Variants in PKP3 observed in about 807,000 individuals in gnomAD.
PKP3 encodes the protein plakophilin 3, also known as plakophilin-3.
In PKP3, 66 loss-of-function variants were observed where a neutral mutation model predicts 76.5. The ratio of observed to expected loss-of-function variants is 0.86; its 90% CI spans 0.71 to 1.06. The LOEUF (loss-of-function observed/expected upper bound fraction) is 1.06, where lower values mean the gene tolerates loss of function less well. Ranked by LOEUF, PKP3 falls within the 50% of genes least tolerant of loss-of-function variation. The pLI is 0.00. For synonymous variants in PKP3, 638 were observed against 516.5 expected (o/e 1.24, Z -3.19); for missense variants, 1,338 against 1,141.0 (o/e 1.17, Z -2.49).
In PKP3 at chr11:398,988, G is replaced by A. The variant is rs185527086; in HGVS notation, c.1069-4G>A. The A allele has an allele frequency of 2.2e-5, 35 of 1,555,960 alleles. No homozygotes were observed. The highest frequency in any genetic ancestry group is 1.1e-4 in the East Asian group (5 of 43,730). On this transcript the variant is annotated splice_region_variant and splice_polypyrimidine_tract_variant and intron_variant, in intron 4 of 12. Coordinates refer to ENST00000331563, the MANE Select transcript of PKP3 (RefSeq NM_007183.4). ...TGTGCACCCCCATATGCCTGTGCCC[G>A]CAGGCCCGCAGCCTTCAGGCCGTGC...
rs144613158 is a variant in PKP3, at chr11:404,552, G to T, written c.2377G>T (p.Asp793Tyr). The change falls in exon 13 of 13, where the codon GAC becomes TAC. Residue 793 changes from aspartate (D) to tyrosine (Y), a missense_variant. Asp to Tyr is a radical substitution (Grantham distance 160, BLOSUM62 -3). Coordinates refer to ENST00000331563, the MANE Select transcript of PKP3 (RefSeq NM_007183.4). The surrounding 1 kb of genome is among the most constrained non-coding windows in gnomAD (Gnocchi z 4.2). ...DFRAKGYRKEDFLGP is the reference protein window; with the variant it reads ...DFRAKGYRKEYFLGP ...ACTGTAGAAGGGCTATCGGAAGGAG[G>T]ACTTCCTGGGCCCATAGGTGAAGCC... is the stretch of plus-strand genomic sequence containing the variant. The T allele has an allele frequency of 9.3e-6, 15 of 1,612,504 alleles. No homozygotes were observed. The highest frequency in any genetic ancestry group is 1.3e-5 in the Non-Finnish European group (15 of 1,179,872).
upstream of PKP3, chr11:394,072 C>T (rs1043330706): frequency 1.3e-5 from 8 of 604,170 alleles, no homozygotes; most frequent in Admixed American, 4.2e-5. Context: ...CCTGTTCTTC[C>T]GCCCAAATTC....
chr11:397,357 C>T lies in PKP3; in HGVS notation c.856C>T (p.Leu286Phe). The change falls in exon 3 of 13, where the codon CTC becomes TTC. Residue 286 changes from leucine to phenylalanine, a missense_variant. Coordinates refer to ENST00000331563, the MANE Select transcript of PKP3 (RefSeq NM_007183.4). Reference sequence around the variant, plus strand: ...AGCGCCATCTGTGCGCAGCCTCAGCCTCAGCCTGGCTGACTCGGGCCACCT... The same window carrying T: ...AGCGCCATCTGTGCGCAGCCTCAGCTTCAGCCTGGCTGACTCGGGCCACCT... ...ARAPSVRSLS[L>F]SLADSGHLPD... 6.3e-7 allele frequency: 1 copy of T among 1,598,552 alleles called. No homozygotes were observed. The highest frequency in any genetic ancestry group is 1.1e-5 in the South Asian group (1 of 89,808).
In PKP3 at chr11:397,191, C is replaced by G. The variant is rs907203517; in HGVS notation, c.690C>G (p.Asp230Glu). 8 of 1,598,280 alleles carry G rather than the reference C, an allele frequency of 5.0e-6. No individual in the cohort carries two copies. Among genetic ancestry groups the G allele is most frequent in the Admixed American group, 1.7e-5 (1 of 59,898 alleles). Reference sequence around the variant, plus strand: ...GCTCCAGCCGGGCAGGGGGGCTGGACTGGCCCGAGGCCACTGAGGTTTCCC... The same window carrying G: ...GCTCCAGCCGGGCAGGGGGGCTGGAGTGGCCCGAGGCCACTGAGGTTTCCC... ...SSSSSRAGGL[D>E]WPEATEVSPS... is the part of the protein sequence containing the mutation. Residue 230 changes from aspartate (D) to glutamate (E), a missense_variant, in exon 3 of 13, where the codon GAC (aspartate) becomes GAG (glutamate). By Grantham distance (45) the Asp-to-Glu change is conservative (BLOSUM62 2). Coordinates refer to ENST00000331563, the MANE Select transcript of PKP3 (RefSeq NM_007183.4).
chr11:403,132 G>A lies in PKP3; in HGVS notation c.1792G>A (p.Gly598Ser). The A allele has an allele frequency of 1.3e-6, 2 of 1,572,028 alleles. No homozygotes were observed. The highest frequency in any genetic ancestry group is 1.7e-6 in the Non-Finnish European group (2 of 1,160,636). The change falls in exon 9 of 13, where the codon GGC (glycine) becomes AGC (serine). Residue 598 changes from glycine (G) to serine (S), a missense_variant. Gly to Ser is a moderately conservative substitution (Grantham distance 56). Coordinates refer to ENST00000331563, the MANE Select transcript of PKP3 (RefSeq NM_007183.4). ...CGCGGAGGTGTCCAAGGACCCCAAG[G>A]GCCTCGAGTGGCTGTGGAGCCCCCA... ...TFAEVSKDPK[G>S]LEWLWSPQIV...
At chr11:399,885 G>A (rs1217686005) in intron 5 of PKP3, 82 bp from the exon 6 acceptor site, 2 of 1,181,482 alleles carry the variant, frequency 1.7e-6, no homozygotes, top group Non-Finnish European at 2.4e-6. Flanking sequence ...CCTGGGGAGA[G>A]GCGGGACCTC....
At chr11:393,094 A>G (rs1408897456), upstream of PKP3, among the ~76,000 whole-genome samples, 1 of 139,684 alleles carries the variant, frequency 7.2e-6, no homozygotes, top group East Asian at 2.0e-4. Context: ...CAGCCCTCCT[A>G]GGCTTATCCC....
In PKP3 at chr11:397,336, C is replaced by T. The variant is rs746544039; in HGVS notation, c.835C>T (p.Pro279Ser). The change falls in exon 3 of 13, where the codon CCA becomes TCA. Residue 279 changes from proline to serine, a missense_variant. Pro to Ser is a moderately conservative substitution (Grantham distance 74). Coordinates refer to ENST00000331563, the MANE Select transcript of PKP3 (RefSeq NM_007183.4). ...CGTCCTGGAGCCAGTGGCTCGAGCGCCATCTGTGCGCAGCCTCAGCCTCAG... is the reference window on the plus strand; with the variant it reads ...CGTCCTGGAGCCAGTGGCTCGAGCGTCATCTGTGCGCAGCCTCAGCCTCAG... ...GAVLEPVARA[P>S]SVRSLSLSLA... 1.9e-6 allele frequency: 3 copies of T among 1,581,176 alleles called. No individual in the cohort carries two copies. The South Asian group carries it at 3.4e-5, about 18-fold the overall frequency.
Position 404,474 on chromosome 11 carries a change from G to A in PKP3, c.2359-60G>A. ...CACCCAGCACACTGCAGGAGGGACA[G>A]CGGGCAGAGGGCCACATGGGCAGAC... is the stretch of plus-strand genomic sequence containing the variant. On this transcript the variant is annotated intron_variant, in intron 12 of 12. Coordinates refer to ENST00000331563, the MANE Select transcript of PKP3 (RefSeq NM_007183.4). The surrounding 1 kb of genome is among the most constrained non-coding windows in gnomAD (Gnocchi z 4.2). 3 of 1,577,790 alleles carry A rather than the reference G, an allele frequency of 1.9e-6. No individual in the cohort carries two copies. The highest frequency in any genetic ancestry group is 2.6e-6 in the Non-Finnish European group (3 of 1,148,104).
chr11:393,901 C>T (rs1847007829), upstream of PKP3, among the ~76,000 whole-genome samples: 1 of 152,202 alleles, frequency 6.6e-6, no homozygotes, highest in South Asian at 2.1e-4. Flanking sequence ...CCTTCCCTGA[C>T]ACTCAGGACA....
At position 404,205 on chromosome 11, in the gene PKP3, G is replaced by A. The variant is rs774626239; in HGVS notation, c.2271-31G>A. ...CCAGTCCACCCTGCTTTCTGGCTGTGTGTCCCCTCCTGACTGCCCTCCACC... is the reference window on the plus strand; with the variant it reads ...CCAGTCCACCCTGCTTTCTGGCTGTATGTCCCCTCCTGACTGCCCTCCACC... On this transcript the variant is annotated intron_variant, in intron 11 of 12. Transcript: ENST00000331563. This position sits in a 1 kb window ranked among gnomAD's most constrained non-coding sequence, Gnocchi z 4.2. 1.2e-5 allele frequency: 20 copies of A among 1,610,454 alleles called. No homozygotes were observed. The South Asian group carries it at 1.3e-4, about 11-fold the overall frequency.
chr11:393,891 C>T (rs953638413), upstream of PKP3, among the ~76,000 whole-genome samples: 5 of 152,168 alleles, frequency 3.3e-5, no homozygotes, highest in South Asian at 1.0e-3. Context: ...GGCCCCCTGC[C>T]CTTCCCTGAC....
In PKP3 at chr11:400,520, C is replaced by A. The variant is rs1196109378; in HGVS notation, c.1567-15C>A. On this transcript the variant is annotated splice_polypyrimidine_tract_variant and intron_variant, in intron 7 of 12. Transcript: ENST00000331563. ...CGCTCTGACCCGCGCCCCTGCCCCG[C>A]GCCCCCGCCCGCAGAGCGTGGAGAA... The A allele has an allele frequency of 1.3e-6, 2 of 1,489,520 alleles. No homozygotes were observed. Among genetic ancestry groups the A allele is most frequent in the Admixed American group, 2.5e-5 (1 of 40,416 alleles). The allele number at this position is 1,489,520 out of a possible 1,614,324, so 92.3% of individuals were successfully genotyped here.
chr11:396,536 T>G, intron 1 of PKP3, 72 bp from the exon 2 acceptor site: 3 of 1,061,742 alleles, frequency 2.8e-6, no homozygotes, highest in Non-Finnish European at 1.4e-6. Flanking sequence ...AGCGATGGAG[T>G]GGTGGAGAGG....
rs930935802 is a variant in PKP3, at chr11:394,381, G to A, written c.89G>A (p.Arg30His). ...LALPSDLQLD[R>H]RGAEGPEAER... The stretch of plus-strand genomic sequence containing the variant: ...CTGCCCTCTGACCTGCAGCTGGACC[G>A]CCGGGGCGCCGAGGGGCCGGAGGCC... The change falls in exon 1 of 13, where the codon CGC becomes CAC. Residue 30 changes from arginine to histidine, a missense_variant. Arg to His is a conservative substitution (Grantham distance 29, BLOSUM62 0). Coordinates refer to ENST00000331563, the MANE Select transcript of PKP3 (RefSeq NM_007183.4). 25 of 1,493,896 alleles carry A rather than the reference G, an allele frequency of 1.7e-5. No homozygotes were observed. The highest frequency in any genetic ancestry group is 1.0e-4 in the South Asian group (8 of 79,780). The allele number at this position is 1,493,896 out of a possible 1,614,324, so 92.5% of individuals were successfully genotyped here.
In PKP3 at chr11:397,328, C is replaced by G. The variant is rs754355040; in HGVS notation, c.827C>G (p.Ala276Gly). Residue 276 changes from alanine to glycine, a missense_variant, in exon 3 of 13, where the codon GCT (alanine) becomes GGT (glycine). Coordinates refer to ENST00000331563, the MANE Select transcript of PKP3 (RefSeq NM_007183.4). ...AVPGAVLEPV[A>G]RAPSVRSLSL... ...CCGGGGGCCGTCCTGGAGCCAGTGGCTCGAGCGCCATCTGTGCGCAGCCTC... is the reference window on the plus strand; with the variant it reads ...CCGGGGGCCGTCCTGGAGCCAGTGGGTCGAGCGCCATCTGTGCGCAGCCTC... 1.3e-6 allele frequency: 2 copies of G among 1,580,096 alleles called. No individual in the cohort carries two copies. Among genetic ancestry groups the G allele is most frequent in the Non-Finnish European group, 1.7e-6 (2 of 1,166,214 alleles).
chr11:403,323 C>A, intron 9 of PKP3, 60 bp downstream of exon 9: 2 of 1,312,856 alleles, frequency 1.5e-6, no homozygotes, highest in Non-Finnish European at 1.0e-6. Context: ...GAGGGGGGGA[C>A]AGAGGAGGGA....
chr11:400,664 G>A lies in PKP3; in HGVS notation c.1696G>A (p.Val566Ile). 1 of 1,332,390 alleles carries A rather than the reference G, an allele frequency of 7.5e-7. No homozygotes were observed. Among genetic ancestry groups the A allele is most frequent in the South Asian group, 1.8e-5 (1 of 56,284 alleles). The allele number at this position is 1,332,390 out of a possible 1,614,324, so 82.5% of individuals were successfully genotyped here. Residue 566 changes from valine (V) to isoleucine (I), a missense_variant, in exon 8 of 13, where the codon GTC (valine) becomes ATC (isoleucine). Physicochemically the swap from Val to Ile is conservative, Grantham distance 29 (BLOSUM62 3). Transcript: ENST00000331563. ...RDLAGAPPGE[V>I]VGCFTPQSRR... is the part of the protein sequence containing the mutation. ...CCTGGCGGGGGCGCCGCCGGGAGAG[G>A]TCGTGGGCTGCTTCACGCCGCAGAG...
At chr11:395,483 T>C (rs1847033174) in intron 1 of PKP3, among the ~76,000 whole-genome samples, 1 of 151,802 alleles carries the variant, frequency 6.6e-6, no homozygotes, top group Admixed American at 6.6e-5. Flanking sequence ...TGCCCAGGGG[T>C]CATGGGGTGG....
Sources: gnomAD v4.1 joint callset for allele counts (sites outside exome capture counted in the v4.1 genomes callset) on GRCh38, gnomAD v4.1.1 for gene constraint, Gnocchi (gnomAD v3.1) non-coding constraint, MANE v1.5 for transcripts, NCBI Gene and HGNC (gene_info 2026-07-23, HGNC 2026-07-21) for gene names.